Variants in CNTNAP5 observed in about 807,000 individuals in gnomAD.
CNTNAP5 encodes contactin associated protein family member 5.
CNTNAP5 carries 72 observed loss-of-function variants against 150.2 expected under a neutral mutation model. That is an observed-to-expected ratio of 0.48 (90% CI 0.40 to 0.58). CNTNAP5 has a LOEUF of 0.58. Ranked by LOEUF, CNTNAP5 falls within the 20% of genes least tolerant of loss-of-function variation. The pLI is 0.00. For missense variants in CNTNAP5, 1,636 were observed against 1,626.2 expected, an observed-to-expected ratio of 1.01 and a Z score of -0.10; for synonymous variants, 672 against 619.8, an observed-to-expected ratio of 1.08 and a Z score of -1.25.
chr2:124,213,181 C>T (rs186317420), intron 1 of CNTNAP5, among the ~76,000 whole-genome samples: 1 of 152,224 alleles, frequency 6.6e-6, no homozygotes, highest in African/African-American at 2.4e-5. Flanking sequence ...GATGCCACCC[C>T]TGGAAGCCAA....
At chr2:124,337,292 A>T (rs1395310249) in intron 3 of CNTNAP5, among the ~76,000 whole-genome samples, 1 of 152,084 alleles carries the variant, frequency 6.6e-6, no homozygotes, top group African/African-American at 2.4e-5. Context: ...AGATGAGTAG[A>T]TTGCAAAAAT....
chr2:124,605,329 A>G (rs1697078913), intron 11 of CNTNAP5, among the ~76,000 whole-genome samples: 1 of 152,208 alleles, frequency 6.6e-6, no homozygotes, highest in Admixed American at 6.5e-5. Context: ...CACTGAGGAT[A>G]TAGATGATGG....
At chr2:124,869,807 T>C in intron 21 of CNTNAP5, 45 bp downstream of exon 21, 1 of 1,149,508 alleles carries the variant, frequency 8.7e-7, no homozygotes, top group Non-Finnish European at 1.3e-6. Flanking sequence ...TTTATTAAAA[T>C]AAATGAATGC....
At chr2:124,410,676 A>G (rs1691730345) in intron 3 of CNTNAP5, among the ~76,000 whole-genome samples, 4 of 151,488 alleles carry the variant, frequency 2.6e-5, no homozygotes, top group Admixed American at 2.6e-4. Flanking sequence ...GTTCTTTGAA[A>G]CCAGCGAGAA....
intron 3 of CNTNAP5, among the ~76,000 whole-genome samples, chr2:124,412,552 G>A (rs1233383959): frequency 0.01 from 1,542 of 151,360 alleles, 17 homozygotes; most frequent in African/African-American, 0.035. Context: ...ATGGAACAGA[G>A]CAGAGCCCTC....
At chr2:124,216,524 T>A (rs1257810560) in intron 1 of CNTNAP5, among the ~76,000 whole-genome samples, 1 of 152,166 alleles carries the variant, frequency 6.6e-6, no homozygotes, top group Admixed American at 6.5e-5. Flanking sequence ...TATCTCCTAA[T>A]GCTATTCCTC....
chr2:124,744,821 C>T (rs1323093200), intron 13 of CNTNAP5, among the ~76,000 whole-genome samples: 2 of 152,068 alleles, frequency 1.3e-5, no homozygotes, highest in African/African-American at 2.4e-5. Flanking sequence ...CTGTTTGATC[C>T]TCAGTATCTT....
intron 3 of CNTNAP5, among the ~76,000 whole-genome samples, chr2:124,289,790 G>A (rs1439782744): frequency 6.6e-6 from 1 of 152,164 alleles, no homozygotes; most frequent in Non-Finnish European, 1.5e-5. Context: ...CCTGTGCCAT[G>A]CTCTTTGCCT....
intron 21 of CNTNAP5, among the ~76,000 whole-genome samples, chr2:124,882,227 G>C (rs1041834377): frequency 1.3e-5 from 2 of 152,060 alleles, no homozygotes; most frequent in Admixed American, 6.6e-5. Flanking sequence ...GATATGCTGT[G>C]GTTTGAATAG....
chr2:124,772,397 G>A (rs193256420), intron 16 of CNTNAP5, among the ~76,000 whole-genome samples: 80 of 152,272 alleles, frequency 5.3e-4, no homozygotes, highest in African/African-American at 1.9e-3. Flanking sequence ...TAAGGAGGAA[G>A]CACTGGACTT....
intron 1 of CNTNAP5, among the ~76,000 whole-genome samples, chr2:124,129,483 C>G (rs1172644290): frequency 1.3e-5 from 2 of 152,008 alleles, no homozygotes; most frequent in African/African-American, 4.8e-5. Flanking sequence ...ATGATACCCA[C>G]TTTGCTAGTA....
chr2:124,376,536 G>A (rs990511817), intron 3 of CNTNAP5, among the ~76,000 whole-genome samples: 6 of 151,994 alleles, frequency 3.9e-5, no homozygotes, highest in Non-Finnish European at 8.8e-5. Flanking sequence ...TAAAATACCA[G>A]GATGCTTGAC....
At chr2:124,077,798 A>G (rs955348840) in intron 1 of CNTNAP5, among the ~76,000 whole-genome samples, 13 of 152,212 alleles carry the variant, frequency 8.5e-5, no homozygotes, top group Non-Finnish European at 1.8e-4. Context: ...CTAGTTTGTC[A>G]TACAACTTGA....
intron 11 of CNTNAP5, among the ~76,000 whole-genome samples, chr2:124,573,204 A>T (rs1185560750): frequency 6.6e-6 from 1 of 152,206 alleles, no homozygotes; most frequent in Non-Finnish European, 1.5e-5. Flanking sequence ...AGCAAAACTA[A>T]TCCAAAGACT....
chr2:124,114,710 T>G (rs1393219249), intron 1 of CNTNAP5, among the ~76,000 whole-genome samples: 2 of 151,850 alleles, frequency 1.3e-5, no homozygotes, highest in African/African-American at 4.8e-5. Context: ...GTAAAAATAT[T>G]TCAAAATTTC....
At chr2:124,343,524 A>G (rs962421009) in intron 3 of CNTNAP5, among the ~76,000 whole-genome samples, 1 of 152,154 alleles carries the variant, frequency 6.6e-6, no homozygotes, top group Non-Finnish European at 1.5e-5. Flanking sequence ...AAAACATTTG[A>G]TCAAAATAAA....
intron 21 of CNTNAP5, among the ~76,000 whole-genome samples, chr2:124,886,600 C>G (rs1372260369): frequency 2.0e-5 from 3 of 151,834 alleles, no homozygotes; most frequent in Admixed American, 6.6e-5. Flanking sequence ...ATTTGCTGAC[C>G]CAAATTGATA....
chr2:124,290,230 A>C (rs1211284606), intron 3 of CNTNAP5, among the ~76,000 whole-genome samples: 2 of 152,104 alleles, frequency 1.3e-5, no homozygotes, highest in Non-Finnish European at 2.9e-5. Context: ...CCGTTCCTGA[A>C]ACTCGATAGC....
At chr2:124,466,093 GC>G (rs931554111) in intron 6 of CNTNAP5, among the ~76,000 whole-genome samples, 10 of 152,064 alleles carry the variant, frequency 6.6e-5, no homozygotes, top group Admixed American at 5.9e-4. Flanking sequence ...CTCACCTGAG[GC>G]CAAAATAAGC....
Sources: gnomAD v4.1 joint callset for allele counts (sites outside exome capture counted in the v4.1 genomes callset) on GRCh38, gnomAD v4.1.1 for gene constraint, MANE v1.5 for transcripts, NCBI Gene and HGNC (gene_info 2026-07-23, HGNC 2026-07-21) for gene names.